DYRK1A: variants seen among roughly 807,000 people sequenced by gnomAD.
The protein encoded by DYRK1A is dual specificity tyrosine phosphorylation regulated kinase 1A.
Under a neutral mutation model 79.7 loss-of-function variants are expected in DYRK1A, and 9 were observed. The ratio of observed to expected loss-of-function variants is 0.11; its 90% CI spans 0.07 to 0.20. DYRK1A has a LOEUF of 0.20. DYRK1A is among the 10% of genes least tolerant of loss of function. The probability of loss-of-function intolerance (pLI) is 1.00; values close to 1 mark genes in which losing one functional copy is unlikely to be tolerated. For synonymous variants in DYRK1A, 349 were observed against 329.7 expected (o/e 1.06, Z -0.63); for missense variants, 622 against 956.0 (o/e 0.65, Z 4.61).
intron 2 of DYRK1A, among the ~76,000 whole-genome samples, chr21:37,450,474 G>A (rs1357756857): frequency 6.6e-6 from 1 of 152,198 alleles, no homozygotes; most frequent in East Asian, 1.9e-4. Context: ...GGAACTAGAT[G>A]TCTGACAGTG....
At chr21:37,399,357 T>C (rs76487303) in intron 1 of DYRK1A, among the ~76,000 whole-genome samples, 2 of 152,184 alleles carry the variant, frequency 1.3e-5, no homozygotes, top group East Asian at 3.8e-4. Context: ...TACCCCATTA[T>C]GAAATTGGGG....
At position 37,520,764 on chromosome 21, in the gene DYRK1A, C is replaced by G. The variant is rs73906003; in HGVS notation, c.*8233C>G. ...AGGTCTTGTCCCTGGCCAGTCTGGGCAGCTCTGCGCTCAGAGGCCTTTGGC... is the reference window on the plus strand; with the variant it reads ...AGGTCTTGTCCCTGGCCAGTCTGGGGAGCTCTGCGCTCAGAGGCCTTTGGC... On this transcript the variant is annotated 3_prime_UTR_variant, in exon 12 of 12. Coordinates refer to ENST00000647188, the MANE Select transcript of DYRK1A (RefSeq NM_001347721.2). 1 of 152,386 alleles carries G rather than the reference C, an allele frequency of 6.6e-6. No individual in the cohort carries two copies. Among genetic ancestry groups the G allele is most frequent in the African/African-American group, 2.4e-5 (1 of 41,590 alleles). 9.4% of individuals were successfully genotyped at this position (152,386 alleles called of 1,614,324 possible).
intron 3 of DYRK1A, 69 bp downstream of exon 3, chr21:37,472,949 A>C: frequency 8.2e-7 from 1 of 1,218,108 alleles, no homozygotes; most frequent in Non-Finnish European, 1.1e-6. Context: ...TTGGAATACT[A>C]AGTAGGCAAA....
At position 37,420,329 on chromosome 21, in the gene DYRK1A, C is replaced by T. The variant is rs1399928230; in HGVS notation, c.-46C>T. On this transcript the variant is annotated 5_prime_UTR_variant, in exon 2 of 12. Transcript: ENST00000647188. ...TAGTTTTGCCGCTGGACTCTTCCCT[C>T]CCTTCCCCCACCCCATCAGGATGAT... 1 of 1,601,864 alleles carries T rather than the reference C, an allele frequency of 6.2e-7. No homozygotes were observed. The highest frequency in any genetic ancestry group is 1.1e-5 in the South Asian group (1 of 90,404).
At chr21:37,424,558 A>C (rs957472557) in intron 2 of DYRK1A, among the ~76,000 whole-genome samples, 2 of 152,142 alleles carry the variant, frequency 1.3e-5, no homozygotes, top group Non-Finnish European at 2.9e-5. Context: ...ACATATCATA[A>C]ATGTTGCCCT....
rs537159924 is a variant in DYRK1A, at chr21:37,396,513, A to G, written c.-76-23786A>G. 1.5e-4 allele frequency among the ~76,000 whole-genome samples: 22 copies of G among 146,108 alleles called. No homozygotes were observed. The South Asian group carries it at 4.6e-3, about 30-fold the overall frequency. On this transcript the variant is annotated intron_variant, in intron 1 of 11. Transcript: ENST00000647188. ...TTTTTTGAGTCAGTGAATTAAATTA[A>G]TCCAAAGTTTTTTTGTTTTTTTTTT...
chr21:37,446,176 C>A (rs1007456522), intron 2 of DYRK1A, among the ~76,000 whole-genome samples: 1 of 152,150 alleles, frequency 6.6e-6, no homozygotes, highest in Non-Finnish European at 1.5e-5. Flanking sequence ...GAACATGCTA[C>A]AACTGCAAGT....
At chr21:37,491,181 T>G (rs1036657377) in intron 7 of DYRK1A, among the ~76,000 whole-genome samples, 1 of 152,112 alleles carries the variant, frequency 6.6e-6, no homozygotes, top group Non-Finnish European at 1.5e-5. Flanking sequence ...AAAACAGATG[T>G]GTTCGTAGTG....
chr21:37,439,967 AT>A (rs949375696), intron 2 of DYRK1A, among the ~76,000 whole-genome samples: 1 of 151,870 alleles, frequency 6.6e-6, no homozygotes, highest in Non-Finnish European at 1.5e-5. Flanking sequence ...GATGGTCTTT[AT>A]TTTGATTGTT....
intron 4 of DYRK1A, among the ~76,000 whole-genome samples, chr21:37,479,690 C>T (rs541514122): frequency 2.0e-4 from 27 of 135,030 alleles, no homozygotes; most frequent in South Asian, 1.0e-3. Flanking sequence ...TGCAGTGGCG[C>T]GATCTCGGCT....
At chr21:37,442,403 C>T (rs1260607274) in intron 2 of DYRK1A, among the ~76,000 whole-genome samples, 13 of 152,092 alleles carry the variant, frequency 8.5e-5, no homozygotes, top group Non-Finnish European at 1.9e-4. Context: ...AAAATCTCTT[C>T]TGTTTTGACA....
At chr21:37,483,548 A>G (rs2052734947) in intron 5 of DYRK1A, among the ~76,000 whole-genome samples, 2 of 151,984 alleles carry the variant, frequency 1.3e-5, no homozygotes, top group Admixed American at 1.3e-4. Context: ...GGGGGTTTTC[A>G]GTGCTTTGGG....
chr21:37,371,804 G>A (rs938491314), intron 1 of DYRK1A, among the ~76,000 whole-genome samples: 1 of 152,080 alleles, frequency 6.6e-6, no homozygotes, highest in Non-Finnish European at 1.5e-5. Flanking sequence ...GGGGCCCAGT[G>A]AACTGGCTTA....
chr21:37,513,242 C>T lies in DYRK1A; in HGVS notation c.*711C>T. On this transcript the variant is annotated 3_prime_UTR_variant, in exon 12 of 12. Coordinates refer to ENST00000647188, the MANE Select transcript of DYRK1A (RefSeq NM_001347721.2). Reference sequence around the variant, plus strand: ...CCTGTGGCTCTCCCGTTGCAGAGGCCACAGGAAGATAGGATGGAACGTGAC... The same window carrying T: ...CCTGTGGCTCTCCCGTTGCAGAGGCTACAGGAAGATAGGATGGAACGTGAC... The T allele has an allele frequency of 6.5e-6, 1 of 152,732 alleles. No homozygotes were observed. The highest frequency in any genetic ancestry group is 3.1e-3 in the Middle Eastern group (1 of 318). The allele number at this position is 152,732 out of a possible 1,614,324, so 9.5% of individuals were successfully genotyped here.
intron 6 of DYRK1A, chr21:37,488,974 C>A (rs979841228): frequency 6.1e-6 from 4 of 652,344 alleles, no homozygotes; most frequent in African/African-American, 2.0e-5. Flanking sequence ...TTTTTAGTAT[C>A]GAGTTGTGCT....
chr21:37,373,007 C>T (rs1412130343), intron 1 of DYRK1A, among the ~76,000 whole-genome samples: 1 of 151,952 alleles, frequency 6.6e-6, no homozygotes, highest in Admixed American at 6.6e-5. Flanking sequence ...TTTTAAAGTC[C>T]ATTTGGACAG....
intron 1 of DYRK1A, among the ~76,000 whole-genome samples, chr21:37,394,360 A>G (rs939790618): frequency 2.6e-5 from 4 of 152,124 alleles, no homozygotes; most frequent in Admixed American, 2.0e-4. Context: ...TTCAAATAGC[A>G]GTATAAAATT....
At chr21:37,434,737 C>G (rs938046373) in intron 2 of DYRK1A, among the ~76,000 whole-genome samples, 2 of 152,086 alleles carry the variant, frequency 1.3e-5, no homozygotes, top group African/African-American at 4.8e-5. Flanking sequence ...TAAAGTTTGT[C>G]GTAATAAACC....
At chr21:37,465,964 T>C (rs930733524) in intron 2 of DYRK1A, among the ~76,000 whole-genome samples, 5 of 152,234 alleles carry the variant, frequency 3.3e-5, no homozygotes, top group Non-Finnish European at 7.3e-5. Context: ...ATGAATGGCA[T>C]TGTCACCTCC....
Sources: allele counts gnomAD v4.1 joint callset (sites outside exome capture counted in the v4.1 genomes callset), GRCh38; gene constraint gnomAD v4.1.1; transcripts MANE v1.5; gene names NCBI Gene and HGNC (gene_info 2026-07-23, HGNC 2026-07-21).